Variants in CLUL1 observed in about 807,000 individuals in gnomAD.
The protein encoded by CLUL1 is clusterin like 1.
In CLUL1, 43 loss-of-function variants were observed where a neutral mutation model predicts 49.4. The ratio of observed to expected loss-of-function variants is 0.87; its 90% CI spans 0.68 to 1.12. The LOEUF is 1.12. Among genes scored for constraint, CLUL1 ranks in the 50% most tolerant of loss-of-function variants. The pLI, the probability that CLUL1 is intolerant of heterozygous loss-of-function variation, is 0.00. For missense variants in CLUL1, 486 were observed against 544.4 expected, an observed-to-expected ratio of 0.89 and a Z score of 1.07; for synonymous variants, 192 against 184.9, an observed-to-expected ratio of 1.04 and a Z score of -0.31.
At chr18:611,669 A>G (rs1250345879) in intron 2 of CLUL1, among the ~76,000 whole-genome samples, 1 of 152,218 alleles carries the variant, frequency 6.6e-6, no homozygotes, top group Non-Finnish European at 1.5e-5. Context: ...TAAGAGGAGG[A>G]CCAAGAGCTA....
In CLUL1 at chr18:617,176, G is replaced by A. The variant is rs538148383; in HGVS notation, c.-13-812G>A. Among the ~76,000 whole-genome samples, 17 of 152,278 alleles carry A rather than the reference G, an allele frequency of 1.1e-4. No homozygotes were observed. In the South Asian group the frequency reaches 1.9e-3, roughly 17 times the overall value. The stretch of plus-strand genomic sequence containing the variant: ...TAACTGAGAAGAAAAAATTTTAACT[G>A]TGCACTATTCACATAGCATAATGGG... On this transcript the variant is annotated intron_variant, in intron 2 of 9. Transcript: ENST00000692774.
chr18:636,809 T>G (rs2144141891), intron 7 of CLUL1, among the ~76,000 whole-genome samples: 1 of 151,512 alleles, frequency 6.6e-6, no homozygotes. Context: ...GTATTTTTAG[T>G]AGAGATGGGG....
At chr18:638,541 C>CT (rs2074226213) in intron 7 of CLUL1, among the ~76,000 whole-genome samples, 1 of 152,108 alleles carries the variant, frequency 6.6e-6, no homozygotes, top group African/African-American at 2.4e-5. Context: ...TTATAAATTG[C>CT]TTTTTATTAT....
intron 2 of CLUL1, chr18:612,991 CAG>C: frequency 3.6e-6 from 1 of 277,508 alleles, no homozygotes; most frequent in Non-Finnish European, 6.7e-6. Context: ...CTGATCTAAA[CAG>C]ATAAATTCTG....
intron 4 of CLUL1, among the ~76,000 whole-genome samples, chr18:620,349 T>G (rs1036608357): frequency 6.6e-6 from 1 of 152,174 alleles, no homozygotes; most frequent in Non-Finnish European, 1.5e-5. Flanking sequence ...ATTATTCATT[T>G]TTAAAATCTG....
chr18:646,497 G>GACAC (rs56076402), intron 9 of CLUL1, among the ~76,000 whole-genome samples: 10,554 of 141,236 alleles, frequency 0.075, 406 homozygotes, highest in African/African-American at 0.079. Flanking sequence ...CAGATAGATA[G>GACAC]ACACACACAC....
chr18:601,448 G>C (rs2072826768), intron 1 of CLUL1, among the ~76,000 whole-genome samples: 1 of 152,128 alleles, frequency 6.6e-6, no homozygotes, highest in Non-Finnish European at 1.5e-5. Flanking sequence ...TTTGAGACCA[G>C]CCTGGCCAAT....
intron 7 of CLUL1, among the ~76,000 whole-genome samples, chr18:639,955 GAT>G (rs1034403411): frequency 6.6e-6 from 1 of 152,098 alleles, no homozygotes; most frequent in Non-Finnish European, 1.5e-5. Context: ...TATGAAATTA[GAT>G]ATGTTAGTTA....
chr18:626,886 A>G (rs904799107), intron 5 of CLUL1, among the ~76,000 whole-genome samples: 143 of 512 alleles, frequency 0.28, 4 homozygotes, highest in Middle Eastern at 0.5. Flanking sequence ...AAAGAAAGAA[A>G]GAAAGAAAGA....
intron 2 of CLUL1, chr18:614,374 G>T (rs1176425279): frequency 1.3e-5 from 2 of 151,772 alleles, no homozygotes; most frequent in African/African-American, 4.8e-5. Context: ...GAAGGAAAAA[G>T]AAGAGAGGAA....
intron 7 of CLUL1, among the ~76,000 whole-genome samples, chr18:634,759 AG>A (rs2074093363): frequency 6.6e-6 from 1 of 152,108 alleles, no homozygotes. Flanking sequence ...CCCAAGCCCC[AG>A]GAATCCTTTT....
At position 604,029 on chromosome 18, in the gene CLUL1, C is replaced by T. The variant is rs566587373; in HGVS notation, c.-135-2949C>T. On this transcript the variant is annotated intron_variant, in intron 1 of 9. Coordinates refer to ENST00000692774, the MANE Select transcript of CLUL1 (RefSeq NM_001393344.1). ...CTGAGTAGCTGGGACTACAGACACA[C>T]GCCACCTCACCTGGCTAATTTTTTG... Among the ~76,000 whole-genome samples the T allele has an allele frequency of 6.6e-5, 10 of 152,230 alleles. 1 individual carries two copies. Among genetic ancestry groups the T allele is most frequent in the Middle Eastern group, 6.8e-3 (2 of 294 alleles).
At chr18:637,013 G>C (rs563080181) in intron 7 of CLUL1, among the ~76,000 whole-genome samples, 2 of 150,782 alleles carry the variant, frequency 1.3e-5, no homozygotes, top group Non-Finnish European at 2.9e-5. Context: ...TTGAGACGGA[G>C]TCTTGCTCCG....
At position 644,972 on chromosome 18, in the gene CLUL1, A is replaced by G. The variant is rs1401840885; in HGVS notation, c.1272A>G (p.Leu424=). The part of the protein sequence containing the change: ...SKQDETMMTD[L]SILPSSNFTL... ...AAGATGAAACAATGATGACAGACTTAAGCATTCTGCCTTCCTCTAATTTCA... is the reference window on the plus strand; with the variant it reads ...AAGATGAAACAATGATGACAGACTTGAGCATTCTGCCTTCCTCTAATTTCA... Residue 424 remains leucine (L), a synonymous_variant, in exon 9 of 10, where the codon TTA becomes TTG. Coordinates refer to ENST00000692774, the MANE Select transcript of CLUL1 (RefSeq NM_001393344.1). The G allele has an allele frequency of 6.2e-7, 1 of 1,613,600 alleles. No individual in the cohort carries two copies. The highest frequency in any genetic ancestry group is 8.5e-7 in the Non-Finnish European group (1 of 1,179,734).
At chr18:599,059 A>G (rs922297166) in intron 1 of CLUL1, among the ~76,000 whole-genome samples, 1 of 152,248 alleles carries the variant, frequency 6.6e-6, no homozygotes, top group East Asian at 1.9e-4. Context: ...TCTACAATAC[A>G]TAAAAGGAAT....
chr18:630,905 G>T (rs9954950), intron 6 of CLUL1, among the ~76,000 whole-genome samples: 13,726 of 151,182 alleles, frequency 0.091, 770 homozygotes, highest in East Asian at 0.29. Context: ...TTTAGCCTAG[G>T]GAGACCCACT....
At chr18:621,705 CTG>C (rs2073491012) in intron 4 of CLUL1, among the ~76,000 whole-genome samples, 1 of 152,132 alleles carries the variant, frequency 6.6e-6, no homozygotes, top group Admixed American at 6.5e-5. Context: ...GCTAAGAAAA[CTG>C]GGGTTTGAGA....
chr18:599,982 G>A (rs1447163836), intron 1 of CLUL1, among the ~76,000 whole-genome samples: 1 of 151,574 alleles, frequency 6.6e-6, no homozygotes. Flanking sequence ...ATTTAAACCC[G>A]AAGTATGAAC....
At chr18:625,199 C>T (rs188573610) in intron 5 of CLUL1, among the ~76,000 whole-genome samples, 167 bp downstream of exon 5, 15 of 152,172 alleles carry the variant, frequency 9.9e-5, no homozygotes, top group East Asian at 7.7e-4. Flanking sequence ...CCTGTGTATA[C>T]GCAATTTATA....
Sources: allele counts gnomAD v4.1 joint callset (sites outside exome capture counted in the v4.1 genomes callset), GRCh38; gene constraint gnomAD v4.1.1; transcripts MANE v1.5; gene names NCBI Gene and HGNC (gene_info 2026-07-23, HGNC 2026-07-21).